MAP3K20: variants seen among roughly 807,000 people sequenced by gnomAD.
MAP3K20 encodes mitogen-activated protein kinase kinase kinase 20.
Under a neutral mutation model 85.7 loss-of-function variants are expected in MAP3K20, and 40 were observed. The observed-to-expected ratio is 0.47, with a 90% CI of 0.36 to 0.61. The LOEUF (loss-of-function observed/expected upper bound fraction) is 0.61. Among genes scored for constraint, MAP3K20 ranks in the 20% least tolerant of loss-of-function variants. The probability of loss-of-function intolerance (pLI) is 0.00; values close to 1 mark genes in which losing one functional copy is unlikely to be tolerated. For missense variants in MAP3K20, 817 were observed against 961.7 expected (o/e 0.85, Z 1.99); for synonymous variants, 325 against 327.7 (o/e 0.99, Z 0.09).
At chr2:173,087,475 A>G (rs1404963920) in intron 1 of MAP3K20, among the ~76,000 whole-genome samples, 2 of 152,268 alleles carry the variant, frequency 1.3e-5, no homozygotes, top group Admixed American at 1.3e-4. Flanking sequence ...GAATAACACA[A>G]GAAACTTTCT....
chr2:173,213,323 A>C (rs1268271468), intron 10 of MAP3K20, among the ~76,000 whole-genome samples: 1 of 152,198 alleles, frequency 6.6e-6, no homozygotes, highest in Non-Finnish European at 1.5e-5. Context: ...CAGTTGCCTA[A>C]GGGGCCTCCT....
chr2:173,131,046 T>G (rs1656751248), intron 2 of MAP3K20, among the ~76,000 whole-genome samples: 1 of 152,222 alleles, frequency 6.6e-6, no homozygotes, highest in Admixed American at 6.5e-5. Flanking sequence ...GTAATGGCAT[T>G]TGCACAGTTT....
chr2:173,132,004 A>T (rs553724068), intron 2 of MAP3K20, among the ~76,000 whole-genome samples: 50 of 152,306 alleles, frequency 3.3e-4, no homozygotes, highest in African/African-American at 1.2e-3. Context: ...GGTCCCTGGA[A>T]TGGAAAGTCA....
chr2:173,083,903 G>A (rs1687075690), intron 1 of MAP3K20, among the ~76,000 whole-genome samples: 2 of 152,012 alleles, frequency 1.3e-5, no homozygotes, highest in African/African-American at 4.8e-5. Context: ...TTCCTATATT[G>A]TATAAAAAGT....
intron 2 of MAP3K20, among the ~76,000 whole-genome samples, chr2:173,113,408 C>A (rs1688028700): frequency 2.0e-5 from 3 of 151,606 alleles, no homozygotes; most frequent in African/African-American, 7.3e-5. Context: ...CTGCTCTGAT[C>A]TTGGTTATTT....
At chr2:173,237,593 A>G (rs1221970728) in intron 14 of MAP3K20, among the ~76,000 whole-genome samples, 2 of 152,204 alleles carry the variant, frequency 1.3e-5, no homozygotes. Context: ...TGAGTATCCA[A>G]AAAATCATCA....
At chr2:173,080,432 G>C (rs1686982858) in intron 1 of MAP3K20, among the ~76,000 whole-genome samples, 1 of 152,208 alleles carries the variant, frequency 6.6e-6, no homozygotes, top group Admixed American at 6.5e-5. Flanking sequence ...CATGGTTCTG[G>C]AGCCTGGGAA....
chr2:173,149,515 T>A (rs112697881), intron 2 of MAP3K20, among the ~76,000 whole-genome samples: 456 of 151,758 alleles, frequency 3.0e-3, no homozygotes, highest in Non-Finnish European at 4.0e-3. Flanking sequence ...TATTTTTTTT[T>A]AAAAAAAACC....
chr2:173,163,788 G>A (rs1216384812), intron 2 of MAP3K20, among the ~76,000 whole-genome samples: 1 of 152,144 alleles, frequency 6.6e-6, no homozygotes, highest in Non-Finnish European at 1.5e-5. Flanking sequence ...GTAATGGAAT[G>A]TAAGTATGGA....
At chr2:173,205,040 T>C (rs1190887067) in intron 9 of MAP3K20, among the ~76,000 whole-genome samples, 1 of 150,180 alleles carries the variant, frequency 6.7e-6, no homozygotes, top group African/African-American at 2.5e-5. Context: ...GAGGCGGAGC[T>C]TGCAGTGAGC....
chr2:173,189,538 C>T (rs1181704874), intron 5 of MAP3K20, among the ~76,000 whole-genome samples: 1 of 152,196 alleles, frequency 6.6e-6, no homozygotes, highest in Non-Finnish European at 1.5e-5. Flanking sequence ...AACTTCAAAA[C>T]TATTTTTCTA....
At chr2:173,084,733 A>G (rs1281365668) in intron 1 of MAP3K20, among the ~76,000 whole-genome samples, 3 of 152,262 alleles carry the variant, frequency 2.0e-5, no homozygotes, top group African/African-American at 7.2e-5. Flanking sequence ...GAAGGAATAG[A>G]TGGCTAAATA....
chr2:173,251,876 T>C (rs1425590203), intron 16 of MAP3K20, among the ~76,000 whole-genome samples: 1 of 152,230 alleles, frequency 6.6e-6, no homozygotes, highest in Non-Finnish European at 1.5e-5. Flanking sequence ...AAAGGCTAAT[T>C]TTGGGAGTCT....
chr2:173,136,881 A>G (rs1042623896), intron 2 of MAP3K20, among the ~76,000 whole-genome samples: 5 of 152,368 alleles, frequency 3.3e-5, no homozygotes, highest in Admixed American at 6.5e-5. Flanking sequence ...TAGGCAGAAG[A>G]GTGCCCACAT....
intron 7 of MAP3K20, among the ~76,000 whole-genome samples, chr2:173,195,832 C>T (rs1690813401): frequency 6.6e-6 from 1 of 152,124 alleles, no homozygotes; most frequent in Non-Finnish European, 1.5e-5. Flanking sequence ...CAAGTAACTC[C>T]CTCAGCTGTA....
intron 8 of MAP3K20, among the ~76,000 whole-genome samples, chr2:173,203,326 G>A (rs2106292092): frequency 6.6e-6 from 1 of 152,208 alleles, no homozygotes. Context: ...ATTTACCACT[G>A]AGAAATGTAG....
At chr2:173,085,928 T>G (rs1032681617) in intron 1 of MAP3K20, among the ~76,000 whole-genome samples, 1 of 151,246 alleles carries the variant, frequency 6.6e-6, no homozygotes, top group African/African-American at 2.4e-5. Context: ...CCCAGGTAGC[T>G]GTGATTACAG....
At chr2:173,210,045 TGTAA>T in intron 10 of MAP3K20, 1 of 556,378 alleles carries the variant, frequency 1.8e-6, no homozygotes, top group Non-Finnish European at 3.2e-6. Flanking sequence ...TGTTGCCTTG[TGTAA>T]GTATTTGAAA....
At chr2:173,101,637 C>T (rs1376931037) in intron 2 of MAP3K20, among the ~76,000 whole-genome samples, 1 of 151,910 alleles carries the variant, frequency 6.6e-6, no homozygotes, top group Non-Finnish European at 1.5e-5. Flanking sequence ...AAACTCAAAG[C>T]CTAATATAGA....
Sources: gnomAD v4.1 joint callset for allele counts (sites outside exome capture counted in the v4.1 genomes callset) on GRCh38, gnomAD v4.1.1 for gene constraint, MANE v1.5 for transcripts, NCBI Gene and HGNC (gene_info 2026-07-23, HGNC 2026-07-21) for gene names.